The following TAMM41 variants were observed in gnomAD, a reference collection of about 807,000 sequenced individuals.
TAMM41 encodes TAM41 mitochondrial translocator assembly and maintenance homolog.
Under a neutral mutation model 44.1 loss-of-function variants are expected in TAMM41, and 36 were observed. The ratio of observed to expected loss-of-function variants is 0.82; its 90% CI spans 0.63 to 1.08. The LOEUF (loss-of-function observed/expected upper bound fraction) is 1.08. Ranked by LOEUF, TAMM41 falls within the 50% of genes least tolerant of loss-of-function variation. TAMM41 has a pLI of 0.00. For missense variants in TAMM41, 417 were observed against 404.3 expected (o/e 1.03, Z -0.27); for synonymous variants, 164 against 153.1 (o/e 1.07, Z -0.53).
At chr3:11,837,188 T>A (rs1432956088) in intron 3 of TAMM41, among the ~76,000 whole-genome samples, 1 of 152,122 alleles carries the variant, frequency 6.6e-6, no homozygotes, top group Non-Finnish European at 1.5e-5. Context: ...GCTATGGAAA[T>A]CTGTCATTTT....
At chr3:11,804,181 G>C (rs1010240141) in intron 7 of TAMM41, among the ~76,000 whole-genome samples, 2 of 152,206 alleles carry the variant, frequency 1.3e-5, no homozygotes, top group African/African-American at 4.8e-5. Flanking sequence ...GTGATCAACT[G>C]CCCTCTGCTG....
At chr3:11,786,367 C>A (rs1034264047), downstream of TAMM41, among the ~76,000 whole-genome samples, 1 of 150,762 alleles carries the variant, frequency 6.6e-6, no homozygotes, top group Non-Finnish European at 1.5e-5. Flanking sequence ...TACAGTGGCA[C>A]GATCTTGGCT....
chr3:11,795,923 G>A (rs1507236), intron 7 of TAMM41, among the ~76,000 whole-genome samples: 1,705 of 152,298 alleles, frequency 0.011, 32 homozygotes, highest in Admixed American at 0.041. Flanking sequence ...TAAGCCAGCT[G>A]GCTTCAGTTG....
the TAMM41 span, among the ~76,000 whole-genome samples, chr3:11,745,781 T>C: frequency 6.6e-6 from 1 of 152,210 alleles, no homozygotes; most frequent in Admixed American, 6.5e-5. Flanking sequence ...GCTGTGTGAA[T>C]GTATTTAATG....
Position 11,846,765 on chromosome 3 carries a change from G to C in TAMM41, c.-129C>G, listed in dbSNP as rs1344345686. 1.6e-6 allele frequency: 2 copies of C among 1,222,892 alleles called. No homozygotes were observed. The highest frequency in any genetic ancestry group is 1.2e-6 in the Non-Finnish European group (1 of 866,720). The allele number at this position is 1,222,892 out of a possible 1,614,324, so 75.8% of individuals were successfully genotyped here. ...ACTGGATCGAGGGACACAAGGCTGA[G>C]TGTGGGGTGGGACTGCAAGCACACG... On this transcript the variant is annotated 5_prime_UTR_variant, in exon 1 of 8. Transcript: ENST00000455809.
chr3:11,728,736 C>T, the TAMM41 span, among the ~76,000 whole-genome samples: 25 of 152,276 alleles, frequency 1.6e-4, no homozygotes, highest in East Asian at 1.9e-3. Flanking sequence ...AGGCCAGGCA[C>T]GGTAACTCAC....
At chr3:11,827,565 T>C (rs997258637) in intron 4 of TAMM41, among the ~76,000 whole-genome samples, 5 of 143,546 alleles carry the variant, frequency 3.5e-5, no homozygotes, top group Non-Finnish European at 7.5e-5. Flanking sequence ...TGCCTTGGCC[T>C]CTCAAATTGC....
the TAMM41 span, among the ~76,000 whole-genome samples, chr3:11,723,328 C>T: frequency 6.6e-6 from 1 of 151,968 alleles, no homozygotes; most frequent in Admixed American, 6.6e-5. Flanking sequence ...GCCTGTATTC[C>T]CAGCACTTTG....
At chr3:11,800,604 C>A (rs1439371593) in intron 7 of TAMM41, among the ~76,000 whole-genome samples, 1 of 148,984 alleles carries the variant, frequency 6.7e-6, no homozygotes, top group Non-Finnish European at 1.5e-5. Context: ...GATCAGTTCA[C>A]CAAAAGGGTA....
the TAMM41 span, among the ~76,000 whole-genome samples, chr3:11,761,007 AG>A: frequency 1.2e-4 from 18 of 148,168 alleles, no homozygotes; most frequent in African/African-American, 1.2e-4. Flanking sequence ...TCTACTAAAA[AG>A]ATACAAAAAA....
At chr3:11,823,254 G>GTTTTTTTTTTT (rs912198535) in intron 4 of TAMM41, among the ~76,000 whole-genome samples, 1 of 126,762 alleles carries the variant, frequency 7.9e-6, no homozygotes, top group Non-Finnish European at 1.7e-5. Context: ...TGTTGTTGTT[G>GTTTTTTTTTTT]TTTTTTTTTT....
chr3:11,727,788 A>AT, the TAMM41 span, among the ~76,000 whole-genome samples: 600 of 128,516 alleles, frequency 4.7e-3, 7 homozygotes, highest in South Asian at 0.017. Flanking sequence ...TTCTAATTTA[A>AT]TTTTTTTTTT....
In TAMM41 at chr3:11,801,124, C is replaced by T. The variant is rs539015727; in HGVS notation, c.937+6709G>A. ...AAAAAAAAAAAAAAGGAAGAAGAAA[C>T]ATTCTTAAAGATAGATCACACATCA... On this transcript the variant is annotated intron_variant, in intron 7 of 7. Transcript: ENST00000455809. Among the ~76,000 whole-genome samples the T allele has an allele frequency of 2.4e-4, 35 of 147,232 alleles. No individual in the cohort carries two copies. In the South Asian group the frequency reaches 7.3e-3, roughly 31 times the overall value.
chr3:11,798,003 G>C (rs993354573), intron 7 of TAMM41, among the ~76,000 whole-genome samples: 1 of 152,168 alleles, frequency 6.6e-6, no homozygotes, highest in African/African-American at 2.4e-5. Flanking sequence ...AACAACAGAA[G>C]CTGGTGAGGT....
chr3:11,799,434 T>C (rs933277543), intron 7 of TAMM41, among the ~76,000 whole-genome samples: 1 of 152,194 alleles, frequency 6.6e-6, no homozygotes, highest in Non-Finnish European at 1.5e-5. Context: ...CCCTCAGCAC[T>C]ATGCTAGGAA....
chr3:11,742,589 C>CTTT, the TAMM41 span, among the ~76,000 whole-genome samples: 2 of 135,766 alleles, frequency 1.5e-5, no homozygotes, highest in Admixed American at 7.4e-5. Context: ...CCATCGCTTG[C>CTTT]TTTTTTTTTT....
chr3:11,835,036 T>C (rs1403165117), intron 3 of TAMM41, among the ~76,000 whole-genome samples: 2 of 152,210 alleles, frequency 1.3e-5, no homozygotes, highest in African/African-American at 2.4e-5. Flanking sequence ...GAATTCTATT[T>C]CAATTTGCAA....
intron 7 of TAMM41, among the ~76,000 whole-genome samples, chr3:11,803,518 G>T (rs998540525): frequency 6.6e-6 from 1 of 152,092 alleles, no homozygotes; most frequent in Non-Finnish European, 1.5e-5. Flanking sequence ...ATTTCTTAAA[G>T]ACCTAAAAAT....
At chr3:11,785,942 G>T (rs1443667977), downstream of TAMM41, among the ~76,000 whole-genome samples, 1 of 152,138 alleles carries the variant, frequency 6.6e-6, no homozygotes, top group Non-Finnish European at 1.5e-5. Context: ...GGCAGTGGTG[G>T]TGACTCTGGC....
Sources: allele counts gnomAD v4.1 joint callset (sites outside exome capture counted in the v4.1 genomes callset), GRCh38; gene constraint gnomAD v4.1.1; transcripts MANE v1.5; gene names NCBI Gene and HGNC (gene_info 2026-07-23, HGNC 2026-07-21).